CHCHD3: variants seen among roughly 807,000 people sequenced by gnomAD.
CHCHD3 encodes the protein MICOS complex subunit MIC19.
A neutral mutation model predicts 38.2 loss-of-function variants in CHCHD3; 20 were observed. The observed-to-expected ratio is 0.52, with a 90% confidence interval of 0.37 to 0.76. The LOEUF is 0.76. Among genes scored for constraint, CHCHD3 ranks in the 30% least tolerant of loss-of-function variants. The probability of loss-of-function intolerance (pLI) is 0.00; values close to 1 mark genes in which losing one functional copy is unlikely to be tolerated. For missense variants in CHCHD3, 245 were observed against 279.2 expected, an observed-to-expected ratio of 0.88 and a Z score of 0.87; for synonymous variants, 82 against 100.0, an observed-to-expected ratio of 0.82 and a Z score of 1.07.
chr7:132,859,593 A>G (rs1278160998), intron 5 of CHCHD3, among the ~76,000 whole-genome samples: 1 of 152,204 alleles, frequency 6.6e-6, no homozygotes, highest in African/African-American at 2.4e-5. Context: ...TTTGTAGAAG[A>G]CGCTCTTAAT....
chr7:132,965,950 T>C (rs1053553207), intron 4 of CHCHD3, among the ~76,000 whole-genome samples: 1 of 152,222 alleles, frequency 6.6e-6, no homozygotes, highest in African/African-American at 2.4e-5. Flanking sequence ...CAAATTTCTA[T>C]GACAATGAAG....
intron 3 of CHCHD3, among the ~76,000 whole-genome samples, chr7:132,996,374 T>C (rs962218212): frequency 2.0e-5 from 3 of 152,200 alleles, no homozygotes; most frequent in African/African-American, 7.2e-5. Context: ...ACTCTTTGTT[T>C]TTCCCCATTC....
At chr7:132,979,602 T>C (rs1048426907) in intron 3 of CHCHD3, among the ~76,000 whole-genome samples, 1 of 152,162 alleles carries the variant, frequency 6.6e-6, no homozygotes, top group African/African-American at 2.4e-5. Flanking sequence ...GAAACATCAG[T>C]TGGGTCCAGA....
intron 3 of CHCHD3, among the ~76,000 whole-genome samples, chr7:132,990,951 TACACACACAC>T (rs768136991): frequency 1.4e-5 from 2 of 143,692 alleles, no homozygotes; most frequent in Non-Finnish European, 3.0e-5. Flanking sequence ...CAGACACACA[TACACACACAC>T]ACACACACAC....
In CHCHD3 at chr7:133,029,660, G is replaced by A. The variant is rs758902838; in HGVS notation, c.170-5033C>T. 1.4e-4 allele frequency among the ~76,000 whole-genome samples: 21 copies of A among 152,138 alleles called. No homozygotes were observed. In the South Asian group the frequency reaches 1.7e-3, roughly 12 times the overall value. On this transcript the variant is annotated intron_variant, in intron 2 of 7. Coordinates refer to ENST00000262570, the MANE Select transcript of CHCHD3 (RefSeq NM_017812.4). Reference sequence around the variant, plus strand: ...GGTGACCAGCTGGGTGGATAGGCACGAAGCCATCCAGGTGAGAATGTGGAG... The same window carrying A: ...GGTGACCAGCTGGGTGGATAGGCACAAAGCCATCCAGGTGAGAATGTGGAG...
At chr7:132,944,738 C>T (rs1810855897) in intron 4 of CHCHD3, among the ~76,000 whole-genome samples, 2 of 152,078 alleles carry the variant, frequency 1.3e-5, no homozygotes, top group Non-Finnish European at 1.5e-5. Flanking sequence ...CAAGTATTAA[C>T]ACTAGTCATC....
At chr7:132,928,522 C>A (rs1810432124) in intron 4 of CHCHD3, among the ~76,000 whole-genome samples, 1 of 151,974 alleles carries the variant, frequency 6.6e-6, no homozygotes, top group Non-Finnish European at 1.5e-5. Flanking sequence ...CATAGTGAAA[C>A]CCCATCTCTA....
intron 2 of CHCHD3, among the ~76,000 whole-genome samples, chr7:133,055,250 ATATACT>A (rs896153877): frequency 1.1e-4 from 16 of 147,270 alleles, no homozygotes; most frequent in Middle Eastern, 7.2e-3. Flanking sequence ...TATGTTTATA[ATATACT>A]TATATATTAT....
chr7:132,983,319 T>C (rs1562928847), intron 3 of CHCHD3, among the ~76,000 whole-genome samples: 1 of 152,122 alleles, frequency 6.6e-6, no homozygotes, highest in Admixed American at 6.5e-5. Flanking sequence ...CGAGACTCTA[T>C]CTCAAACAAA....
intron 5 of CHCHD3, among the ~76,000 whole-genome samples, chr7:132,842,443 G>T (rs761151207): frequency 6.6e-6 from 1 of 152,108 alleles, no homozygotes; most frequent in African/African-American, 2.4e-5. Flanking sequence ...AATTATCAAA[G>T]GTAATGATTT....
At chr7:132,915,460 T>G (rs1027935739) in intron 4 of CHCHD3, among the ~76,000 whole-genome samples, 2 of 152,094 alleles carry the variant, frequency 1.3e-5, no homozygotes, top group Non-Finnish European at 1.5e-5. Flanking sequence ...CCCATATCCG[T>G]CCCCTCCCTT....
chr7:132,858,992 C>A (rs1808415877), intron 5 of CHCHD3, among the ~76,000 whole-genome samples: 1 of 152,070 alleles, frequency 6.6e-6, no homozygotes, highest in South Asian at 2.1e-4. Context: ...GTGGCACTGC[C>A]AGGGTCAAAT....
intron 3 of CHCHD3, among the ~76,000 whole-genome samples, chr7:132,978,901 T>A (rs1340628769): frequency 6.6e-6 from 1 of 152,212 alleles, no homozygotes; most frequent in East Asian, 1.9e-4. Flanking sequence ...ACTGCACAAA[T>A]TCTCAAATGT....
chr7:133,009,233 G>A (rs1019208126), intron 3 of CHCHD3, among the ~76,000 whole-genome samples: 2 of 151,788 alleles, frequency 1.3e-5, no homozygotes, highest in Non-Finnish European at 2.9e-5. Context: ...GCACGGTGGT[G>A]TGCACCTGTA....
intron 4 of CHCHD3, among the ~76,000 whole-genome samples, chr7:132,964,811 T>C (rs910984090): frequency 2.0e-5 from 3 of 152,178 alleles, no homozygotes; most frequent in South Asian, 2.1e-4. Flanking sequence ...GGGATTCACA[T>C]AAGAGAATGT....
intron 4 of CHCHD3, among the ~76,000 whole-genome samples, chr7:132,887,564 G>T (rs12672779): frequency 1.3e-5 from 2 of 150,902 alleles, no homozygotes; most frequent in East Asian, 3.9e-4. Flanking sequence ...GAGAGTTAAT[G>T]TTATTAACAT....
At chr7:132,961,407 G>A (rs930639846) in intron 4 of CHCHD3, among the ~76,000 whole-genome samples, 22 of 152,090 alleles carry the variant, frequency 1.4e-4, no homozygotes, top group African/African-American at 4.8e-4. Flanking sequence ...ACAAAAATTT[G>A]GGTCACTTAA....
chr7:133,003,640 A>G (rs1812628108), intron 3 of CHCHD3, among the ~76,000 whole-genome samples: 1 of 152,186 alleles, frequency 6.6e-6, no homozygotes, highest in African/African-American at 2.4e-5. Context: ...ATTGCAATTT[A>G]CAGTTGCCAT....
chr7:133,068,223 C>T (rs1046859064), intron 2 of CHCHD3, among the ~76,000 whole-genome samples: 5 of 152,102 alleles, frequency 3.3e-5, no homozygotes, highest in African/African-American at 1.2e-4. Flanking sequence ...ACAAAAGTAG[C>T]TACTTTTAAA....
Sources: gnomAD v4.1 joint callset for allele counts (sites outside exome capture counted in the v4.1 genomes callset) on GRCh38, gnomAD v4.1.1 for gene constraint, MANE v1.5 for transcripts, NCBI Gene and HGNC (gene_info 2026-07-23, HGNC 2026-07-21) for gene names.